Variants in WDR90 observed in about 807,000 individuals in gnomAD.
WDR90 encodes the protein WD repeat domain 90.
Under a neutral mutation model 195.2 loss-of-function variants are expected in WDR90, and 238 were observed. The observed-to-expected ratio is 1.22, with a 90% CI of 1.10 to 1.36. The LOEUF is 1.36. Among genes scored for constraint, WDR90 ranks in the 40% most tolerant of loss-of-function variants. The probability of loss-of-function intolerance (pLI) is 0.00; values close to 1 mark genes in which losing one functional copy is unlikely to be tolerated. For missense variants in WDR90, 2,734 were observed against 2,439.5 expected (o/e 1.12, Z -2.54); for synonymous variants, 1,265 against 1,052.4 (o/e 1.20, Z -3.91).
Position 652,528 on chromosome 16 carries a change from C to G in WDR90, c.1115C>G (p.Thr372Ser). 1 of 1,608,758 alleles carries G rather than the reference C, an allele frequency of 6.2e-7. No individual in the cohort carries two copies. The highest frequency in any genetic ancestry group is 1.7e-4 in the Middle Eastern group (1 of 6,038). The change falls in exon 10 of 41, where the codon ACC becomes AGC. Residue 372 changes from threonine (T) to serine (S), a missense_variant. By Grantham distance (58) the Thr-to-Ser change is moderately conservative (BLOSUM62 1). Transcript: ENST00000293879. Reference protein sequence around the residue: ...KGVIGFGGHGTRQALWTPDGA... With the variant: ...KGVIGFGGHGSRQALWTPDGA... The stretch of plus-strand genomic sequence containing the variant: ...GTCATCGGCTTTGGGGGCCACGGCA[C>G]CAGACAGGTGAGGCTCCTGCGGCTG...
At position 653,579 on chromosome 16, in the gene WDR90, A is replaced by G. The variant is rs2037687447; in HGVS notation, c.1288A>G (p.Arg430Gly). Residue 430 changes from arginine to glycine, a missense_variant, in exon 12 of 41, where the codon AGG becomes GGG. Transcript: ENST00000293879. ...SSSLLASAQA[R>G]APSVMRLWDF... ...CTCACTATTGGCCTCGGCCCAGGCA[A>G]GGGCCCCTAGTGTGATGCGGCTCTG... 1 of 1,611,452 alleles carries G rather than the reference A, an allele frequency of 6.2e-7. No homozygotes were observed. The highest frequency in any genetic ancestry group is 1.3e-5 in the African/African-American group (1 of 74,968).
Position 649,615 on chromosome 16 carries a change from C to G in WDR90, c.11-148C>G, listed in dbSNP as rs1238560031. On this transcript the variant is annotated intron_variant, in intron 1 of 40. Coordinates refer to ENST00000293879, the MANE Select transcript of WDR90 (RefSeq NM_145294.5). ...TTGGCTTCCCTCGGGCGCCCGGCCTCGTCCCGCCAGCCTAGCTGGCGTTGG... is the reference window on the plus strand; with the variant it reads ...TTGGCTTCCCTCGGGCGCCCGGCCTGGTCCCGCCAGCCTAGCTGGCGTTGG... 42 of 1,143,870 alleles carry G rather than the reference C, an allele frequency of 3.7e-5. No individual in the cohort carries two copies. In the South Asian group the frequency reaches 9.7e-4, roughly 26 times the overall value. 70.9% of individuals were successfully genotyped at this position (1,143,870 alleles called of 1,614,324 possible).
chr16:655,594 C>T lies in WDR90; in HGVS notation c.1740C>T (p.Gly580=), dbSNP rs1225526087. 39 of 1,603,320 alleles carry T rather than the reference C, an allele frequency of 2.4e-5. No homozygotes were observed. Among genetic ancestry groups the T allele is most frequent in the Non-Finnish European group, 3.3e-5 (39 of 1,173,838 alleles). The part of the protein sequence containing the change: ...AAMLFVCSRS[G]HILEIDCQRM... ...GCAGCTTCGTGTGCAGCCGCAGTGG[C>T]CACATCTTGGAGATTGACTGTCAGC... The change falls in exon 16 of 41, where the codon GGC becomes GGT. Residue 580 remains glycine, a synonymous_variant. Transcript: ENST00000293879.
In WDR90 at chr16:655,373, C is replaced by A. The variant is rs1257950059; in HGVS notation, c.1623C>A (p.Cys541Ter). 1 of 1,600,458 alleles carries A rather than the reference C, an allele frequency of 6.2e-7. No individual in the cohort carries two copies. Among genetic ancestry groups the A allele is most frequent in the Non-Finnish European group, 8.5e-7 (1 of 1,178,906 alleles). ...WRLRGGVLRS[C>*]PVDLGEHHAL... is the part of the protein sequence containing the mutation. The stretch of plus-strand genomic sequence containing the variant: ...TGCGTGGCGGGGTGCTGCGTTCCTG[C>A]CCCGTGGACTTAGGGGAGCACCACG... The change falls in exon 15 of 41, where the codon TGC (cysteine) becomes TGA (stop). Residue 541 changes from cysteine (C) to a stop codon, truncating the protein, a stop_gained. Coordinates refer to ENST00000293879, the MANE Select transcript of WDR90 (RefSeq NM_145294.5). LOFTEE classifies it high-confidence loss of function.
At chr16:650,469 C>G in intron 4 of WDR90, 70 bp from the exon 5 acceptor site, 3 of 1,587,988 alleles carry the variant, frequency 1.9e-6, no homozygotes, top group Admixed American at 1.7e-5. Flanking sequence ...GGCGGGGGCA[C>G]AAGCTCACAG....
intron 9 of WDR90, 165 bp downstream of exon 9, chr16:652,204 C>G (rs1197660584): frequency 1.1e-6 from 1 of 911,412 alleles, no homozygotes; most frequent in East Asian, 2.7e-5. Flanking sequence ...GGGGAAGAAT[C>G]TCTGTCCACA....
chr16:654,784 G>C (rs570459092), intron 13 of WDR90: 2 of 542,408 alleles, frequency 3.7e-6, no homozygotes, highest in Non-Finnish European at 6.6e-6. Context: ...CGGCTTGCGG[G>C]GGGGTTTGTA....
chr16:667,828 G>T lies in WDR90; in HGVS notation c.*239G>T, dbSNP rs3752490. The T allele has an allele frequency of 0.48, 312,246 of 649,160 alleles. 87,116 individuals are homozygous for T. Among genetic ancestry groups the T allele is most frequent in the East Asian group, 0.97 (35,317 of 36,300 alleles). The allele number at this position is 649,160 out of a possible 1,614,324, so 40.2% of individuals were successfully genotyped here. On this transcript the variant is annotated 3_prime_UTR_variant, in exon 41 of 41. Transcript: ENST00000293879. ...CTTGTAATAAACATGGGCATTTATTGCATTATTGCTGCATTGTTGCACTGG... is the reference window on the plus strand; with the variant it reads ...CTTGTAATAAACATGGGCATTTATTTCATTATTGCTGCATTGTTGCACTGG...
Position 655,570 on chromosome 16 carries a change from C to CAGCT in WDR90, c.1719-2_1720dup, listed in dbSNP as rs2037733801. 6 of 1,585,210 alleles carry CAGCT rather than the reference C, an allele frequency of 3.8e-6. No homozygotes were observed. The highest frequency in any genetic ancestry group is 4.3e-6 in the Non-Finnish European group (5 of 1,163,528). Reference sequence around the variant, plus strand: ...TCACCTTCCCTGCCGCCTCCTCGGGCAGCTTCGTGTGCAGCCGCAGTGGCC... The same window carrying CAGCT: ...TCACCTTCCCTGCCGCCTCCTCGGGCAGCTAGCTTCGTGTGCAGCCGCAGTGGCC... On this transcript the variant is annotated splice_region_variant and splice_polypyrimidine_tract_variant and intron_variant, in intron 15 of 40. Transcript: ENST00000293879.
At chr16:649,218 C>A (rs1207769479), upstream of WDR90, 1 of 520,292 alleles carries the variant, frequency 1.9e-6, no homozygotes, top group Non-Finnish European at 3.0e-6. Context: ...CAGCGGGATT[C>A]GCGGCTGGAG....
Position 655,487 on chromosome 16 carries a change from C to T in WDR90, c.1718+19C>T. The T allele has an allele frequency of 6.5e-7, 1 of 1,527,898 alleles. No individual in the cohort carries two copies. The highest frequency in any genetic ancestry group is 8.8e-7 in the Non-Finnish European group (1 of 1,137,206). The allele number at this position is 1,527,898 out of a possible 1,614,324, so 94.6% of individuals were successfully genotyped here. A position where few individuals can be genotyped will look rare whatever the true frequency, so the allele number is the denominator to read the frequency against. On this transcript the variant is annotated intron_variant, in intron 15 of 40. Coordinates refer to ENST00000293879, the MANE Select transcript of WDR90 (RefSeq NM_145294.5). ...CCATGCTGTGAGTCCCTGCCCTTCC[C>T]CACGGCCTGCCCCGGCATGGGGGCC...
Position 650,039 on chromosome 16 carries a change from G to T in WDR90, c.151G>T (p.Ala51Ser). Residue 51 changes from alanine to serine, a missense_variant, in exon 3 of 41, where the codon GCC (alanine) becomes TCC (serine). Coordinates refer to ENST00000293879, the MANE Select transcript of WDR90 (RefSeq NM_145294.5). ...GTATCGCATTCGGGGCTCAGTCTCT[G>T]CCGCCAACTACATCCAGCTCCCTAA... ...AVYRIRGSVS[A>S]ANYIQLPKSS... The T allele has an allele frequency of 6.2e-7, 1 of 1,612,814 alleles. No homozygotes were observed. The highest frequency in any genetic ancestry group is 8.5e-7 in the Non-Finnish European group (1 of 1,179,994).
In WDR90 at chr16:661,098, C is replaced by A. The variant is rs777021221; in HGVS notation, c.3439C>A (p.His1147Asn). The A allele has an allele frequency of 2.6e-6, 4 of 1,560,206 alleles. No homozygotes were observed. Among genetic ancestry groups the A allele is most frequent in the Non-Finnish European group, 3.4e-6 (4 of 1,161,918 alleles). ...CGRLVVVEDL[H>N]SGAQQHWSGH... The stretch of plus-strand genomic sequence containing the variant: ...CCGCCTGGTGGTGGTGGAGGACCTG[C>A]ACTCTGGCGCCCAGCAGCACTGGTC... The change falls in exon 29 of 41, where the codon CAC (histidine) becomes AAC (asparagine). Residue 1147 changes from histidine (H) to asparagine (N), a missense_variant. Coordinates refer to ENST00000293879, the MANE Select transcript of WDR90 (RefSeq NM_145294.5).
chr16:657,798 G>C lies in WDR90; in HGVS notation c.2510G>C (p.Ser837Thr). The C allele has an allele frequency of 6.4e-7, 1 of 1,555,284 alleles. No individual in the cohort carries two copies. The highest frequency in any genetic ancestry group is 8.7e-7 in the Non-Finnish European group (1 of 1,149,802). ...MVCPDAPASP[S>T]ALAVSRDGRL... ...TGCCCGGATGCCCCCGCGAGCCCCA[G>C]CGCCCTGGCAGTCAGCAGGGATGGC... Residue 837 changes from serine to threonine, a missense_variant, in exon 21 of 41, where the codon AGC (serine) becomes ACC (threonine). Transcript: ENST00000293879.
Position 655,643 on chromosome 16 carries a change from C to G in WDR90, c.1789C>G (p.Arg597Gly), listed in dbSNP as rs770511043. 16 of 1,606,926 alleles carry G rather than the reference C, an allele frequency of 1.0e-5. No individual in the cohort carries two copies. The Admixed American group carries it at 1.5e-4, about 15-fold the overall frequency. ...GCGCATGGTCGTGCGGCATGCCCGC[C>G]GCCTGCTCCCCACACGGACTCCAGG... ...CQRMVVRHAR[R>G]LLPTRTPGGP... The change falls in exon 16 of 41, where the codon CGC (arginine) becomes GGC (glycine). Residue 597 changes from arginine (R) to glycine (G), a missense_variant. Physicochemically the swap from Arg to Gly is moderately radical, Grantham distance 125 (BLOSUM62 -2). Coordinates refer to ENST00000293879, the MANE Select transcript of WDR90 (RefSeq NM_145294.5).
chr16:657,475 G>A (rs1219863753), intron 20 of WDR90: 2 of 714,752 alleles, frequency 2.8e-6, no homozygotes, highest in East Asian at 5.7e-5. Flanking sequence ...CAGGTCAGCA[G>A]CTGGAGTCAG....
chr16:649,792 A>G lies in WDR90; in HGVS notation c.40A>G (p.Arg14Gly). Residue 14 changes from arginine (R) to glycine (G), a missense_variant, in exon 2 of 41, where the codon AGA (arginine) becomes GGA (glycine). By Grantham distance (125) the Arg-to-Gly change is moderately radical (BLOSUM62 -2). Transcript: ENST00000293879. ...GCAGCACCCGTTCCTCAACGTCTTC[A>G]GACACTTCCGGGTGGACGAGTGGAA... ...AWQHPFLNVF[R>G]HFRVDEWKRS... 6.4e-7 allele frequency: 1 copy of G among 1,574,108 alleles called. No individual in the cohort carries two copies. The highest frequency in any genetic ancestry group is 2.3e-5 in the East Asian group (1 of 42,778).
rs778496094 is a variant in WDR90 at position 655,230 on chromosome 16, T to C, written c.1557-77T>C. ...GAGGCCCGAGCACCTCCCCCTGGCT[T>C]GGCTGTGCGTCTCTGCGTCTCCCGG... On this transcript the variant is annotated intron_variant, in intron 14 of 40. Coordinates refer to ENST00000293879, the MANE Select transcript of WDR90 (RefSeq NM_145294.5). The C allele has an allele frequency of 3.7e-6, 6 of 1,612,010 alleles. No individual in the cohort carries two copies. The African/African-American group carries it at 8.0e-5, about 22-fold the overall frequency.
At position 656,297 on chromosome 16, in the gene WDR90, C is replaced by A; in HGVS notation, c.1967-5C>A. The stretch of plus-strand genomic sequence containing the variant: ...TGGAGGCCCCTGACCCCACCCCACC[C>A]ACAGAGCACGAGGGCCCCGTCAGCT... On this transcript the variant is annotated splice_region_variant and splice_polypyrimidine_tract_variant and intron_variant, in intron 17 of 40. Coordinates refer to ENST00000293879, the MANE Select transcript of WDR90 (RefSeq NM_145294.5). The A allele has an allele frequency of 6.2e-7, 1 of 1,603,090 alleles. No homozygotes were observed. Among genetic ancestry groups the A allele is most frequent in the South Asian group, 1.1e-5 (1 of 90,788 alleles).
Sources: gnomAD v4.1 joint callset for allele counts on GRCh38, gnomAD v4.1.1 for gene constraint, MANE v1.5 for transcripts, NCBI Gene and HGNC (gene_info 2026-07-23, HGNC 2026-07-21) for gene names.